SASH1: variants seen among roughly 807,000 people sequenced by gnomAD.
The protein encoded by SASH1 is SAM and SH3 domain-containing protein 1.
SASH1 carries 44 observed loss-of-function variants against 125.2 expected under a neutral mutation model. The ratio of observed to expected loss-of-function variants is 0.35; its 90% CI spans 0.28 to 0.45. The LOEUF is 0.45. Among genes scored for constraint, SASH1 ranks in the 20% least tolerant of loss-of-function variants. The probability of loss-of-function intolerance (pLI) is 1.00; values close to 1 mark genes in which losing one functional copy is unlikely to be tolerated. For synonymous variants in SASH1, 639 were observed against 649.1 expected, an observed-to-expected ratio of 0.98 and a Z score of 0.24; for missense variants, 1,426 against 1,614.5, an observed-to-expected ratio of 0.88 and a Z score of 2.00.
At chr6:148,320,126 ATAAG>A (rs2114570177) in intron 1 of SASH1, among the ~76,000 whole-genome samples, 2 of 152,362 alleles carry the variant, frequency 1.3e-5, no homozygotes, top group African/African-American at 4.8e-5. Context: ...AAACTTTATC[ATAAG>A]TATGTATGTA....
chr6:148,214,853 A>G, the SASH1 span, among the ~76,000 whole-genome samples: 139 of 152,268 alleles, frequency 9.1e-4, 1 homozygote, highest in Non-Finnish European at 1.5e-3. Context: ...TAGGGGCTCA[A>G]TGTGTTTCTG....
intron 2 of SASH1, among the ~76,000 whole-genome samples, chr6:148,391,587 A>G (rs1277982479): frequency 2.6e-5 from 4 of 152,304 alleles, no homozygotes; most frequent in East Asian, 3.9e-4. Flanking sequence ...ACTCAGGTGC[A>G]TTGAAATAAA....
chr6:148,224,681 T>C, the SASH1 span, among the ~76,000 whole-genome samples: 101,292 of 151,990 alleles, frequency 0.67, 34,337 homozygotes, highest in East Asian at 0.83. Flanking sequence ...TTATTTATAC[T>C]TTTATTTAGC....
At chr6:148,512,578 C>T in intron 8 of SASH1, 1 of 985,226 alleles carries the variant, frequency 1.0e-6, no homozygotes, top group Non-Finnish European at 1.2e-6. Flanking sequence ...AGAAATGAAA[C>T]TCAAACCAGA....
chr6:148,361,919 T>TC (rs1036218619), intron 1 of SASH1, among the ~76,000 whole-genome samples: 3 of 126,704 alleles, frequency 2.4e-5, no homozygotes, highest in South Asian at 2.6e-4. Context: ...TTTTTCTTTT[T>TC]TTTTTTTTTT....
chr6:148,326,097 C>T (rs563838281), intron 1 of SASH1, among the ~76,000 whole-genome samples: 1 of 149,936 alleles, frequency 6.7e-6, no homozygotes, highest in South Asian at 2.2e-4. Flanking sequence ...GCACGATCTC[C>T]ACTCACTGCA....
At chr6:148,526,393 C>T (rs974405898) in intron 11 of SASH1, among the ~76,000 whole-genome samples, 17 of 152,032 alleles carry the variant, frequency 1.1e-4, no homozygotes, top group African/African-American at 3.9e-4. Flanking sequence ...TTAGCTTGTC[C>T]TTTGCATTGT....
chr6:148,465,425 G>A (rs985976771), intron 4 of SASH1, among the ~76,000 whole-genome samples: 1 of 151,920 alleles, frequency 6.6e-6, no homozygotes. Flanking sequence ...AGTGTCATAT[G>A]CCTGTAGTCC....
intron 11 of SASH1, among the ~76,000 whole-genome samples, chr6:148,526,540 C>T (rs1211764056): frequency 2.6e-5 from 4 of 152,076 alleles, no homozygotes; most frequent in African/African-American, 7.2e-5. Context: ...ATTTGGCTAT[C>T]GAATTATATT....
chr6:148,483,469 G>A (rs753125386), intron 7 of SASH1, among the ~76,000 whole-genome samples: 1 of 152,176 alleles, frequency 6.6e-6, no homozygotes, highest in Non-Finnish European at 1.5e-5. Context: ...ATAGCATTGT[G>A]CAAGTGGCCT....
the SASH1 span, among the ~76,000 whole-genome samples, chr6:148,201,999 C>G: frequency 2.0e-5 from 3 of 151,988 alleles, no homozygotes; most frequent in Non-Finnish European, 2.9e-5. Flanking sequence ...CCAGTTCACC[C>G]GGTCCATATT....
chr6:148,426,606 G>C (rs1442041695), intron 2 of SASH1, among the ~76,000 whole-genome samples: 1 of 152,168 alleles, frequency 6.6e-6, no homozygotes, highest in African/African-American at 2.4e-5. Flanking sequence ...AATGCAAAGT[G>C]AGTGACTTAA....
At chr6:148,527,338 C>A in intron 11 of SASH1, 115 bp from the exon 12 acceptor site, 1 of 916,840 alleles carries the variant, frequency 1.1e-6, no homozygotes, top group Non-Finnish European at 1.6e-6. Flanking sequence ...AGAAAAACGT[C>A]AAGATCCATG....
the SASH1 span, among the ~76,000 whole-genome samples, chr6:148,217,751 T>A: frequency 5.3e-5 from 8 of 150,818 alleles, no homozygotes; most frequent in African/African-American, 2.0e-4. Flanking sequence ...TCGCCTATAA[T>A]CCCAGCACTT....
intron 1 of SASH1, among the ~76,000 whole-genome samples, chr6:148,273,026 G>A (rs775295677): frequency 1.3e-5 from 2 of 152,082 alleles, no homozygotes; most frequent in African/African-American, 2.4e-5. Context: ...TTGAGAGGCC[G>A]GGGCGGGAAG....
At chr6:148,375,179 A>C (rs369282382) in intron 1 of SASH1, among the ~76,000 whole-genome samples, 8 of 151,598 alleles carry the variant, frequency 5.3e-5, no homozygotes, top group African/African-American at 1.9e-4. Flanking sequence ...TTTTGTAGAG[A>C]TAGGGTTTCA....
At chr6:148,457,029 C>T (rs1777389830) in intron 4 of SASH1, among the ~76,000 whole-genome samples, 2 of 147,622 alleles carry the variant, frequency 1.4e-5, no homozygotes, top group East Asian at 2.0e-4. Context: ...TTTTATTTTG[C>T]TTTTGATAAT....
At chr6:148,473,169 T>C (rs1336713314) in intron 6 of SASH1, among the ~76,000 whole-genome samples, 2 of 152,218 alleles carry the variant, frequency 1.3e-5, no homozygotes, top group Admixed American at 1.3e-4. Context: ...AATAATACTT[T>C]CAGATACAGA....
At chr6:148,401,841 CAA>C (rs1401439836) in intron 2 of SASH1, among the ~76,000 whole-genome samples, 1 of 151,918 alleles carries the variant, frequency 6.6e-6, no homozygotes, top group Non-Finnish European at 1.5e-5. Flanking sequence ...GATTTCTTAA[CAA>C]AGATGCCAAA....
Sources: gnomAD v4.1 joint callset for allele counts (sites outside exome capture counted in the v4.1 genomes callset) on GRCh38, gnomAD v4.1.1 for gene constraint, MANE v1.5 for transcripts, NCBI Gene and HGNC (gene_info 2026-07-23, HGNC 2026-07-21) for gene names.